LEPR: variants seen among roughly 807,000 people sequenced by gnomAD.
LEPR encodes OB receptor.
A neutral mutation model predicts 114.7 loss-of-function variants in LEPR; 56 were observed. The observed-to-expected ratio is 0.49, with a 90% CI of 0.39 to 0.61. The LOEUF is 0.61. Ranked by LOEUF, LEPR falls within the 20% of genes least tolerant of loss-of-function variation. LEPR has a pLI of 0.00. For missense variants in LEPR, 1,202 were observed against 1,352.9 expected (o/e 0.89, Z 1.75); for synonymous variants, 443 against 461.4 (o/e 0.96, Z 0.51).
chr1:65,595,337 G>T (rs1015947926), intron 6 of LEPR, among the ~76,000 whole-genome samples: 1 of 152,020 alleles, frequency 6.6e-6, no homozygotes, highest in Non-Finnish European at 1.5e-5. Context: ...ACTCCATTGT[G>T]TTAGGGTTTC....
chr1:65,535,615 C>T (rs1292780320), intron 2 of LEPR, among the ~76,000 whole-genome samples: 4 of 151,906 alleles, frequency 2.6e-5, no homozygotes, highest in Non-Finnish European at 5.9e-5. Flanking sequence ...CCTCCCAAAG[C>T]GCAGGGATTA....
chr1:65,571,903 G>A (rs1037023860), intron 4 of LEPR, among the ~76,000 whole-genome samples: 1 of 141,528 alleles, frequency 7.1e-6, no homozygotes, highest in Non-Finnish European at 1.5e-5. Context: ...GATGGAGGCT[G>A]CAGTGAGCCA....
intron 2 of LEPR, among the ~76,000 whole-genome samples, chr1:65,536,539 C>T (rs1650790645): frequency 6.6e-6 from 1 of 152,116 alleles, no homozygotes; most frequent in African/African-American, 2.4e-5. Context: ...AACTATTATA[C>T]AGTATTTTTT....
rs996361966 is a variant in LEPR, at chr1:65,596,550, A to G, written c.806A>G (p.Tyr269Cys). ...SPPLVPFPLQ[Y>C]QVKYSENSTT... ...CCATTGGTACCATTTCCACTTCAAT[A>G]TCAAGTGAAATATTCAGAGAATTCT... The change falls in exon 7 of 20, where the codon TAT (tyrosine) becomes TGT (cysteine). Residue 269 changes from tyrosine (Y) to cysteine (C), a missense_variant. Tyr to Cys is a radical substitution (Grantham distance 194). Transcript: ENST00000349533. The G allele has an allele frequency of 2.5e-6, 4 of 1,612,612 alleles. No individual in the cohort carries two copies. Among genetic ancestry groups the G allele is most frequent in the Non-Finnish European group, 2.5e-6 (3 of 1,179,062 alleles).
chr1:65,556,241 C>T (rs1413792832), intron 2 of LEPR, among the ~76,000 whole-genome samples: 1 of 152,128 alleles, frequency 6.6e-6, no homozygotes, highest in African/African-American at 2.4e-5. Flanking sequence ...GACTTTCCAG[C>T]CTCCAGAATT....
At chr1:65,570,886 T>G in intron 4 of LEPR, 84 bp downstream of exon 4, 1 of 1,166,714 alleles carries the variant, frequency 8.6e-7, no homozygotes, top group Non-Finnish European at 1.1e-6. Flanking sequence ...CTTATGGCTA[T>G]GATTTTAACA....
intron 2 of LEPR, among the ~76,000 whole-genome samples, chr1:65,546,467 A>C (rs1205238772): frequency 6.6e-6 from 1 of 151,952 alleles, no homozygotes; most frequent in Non-Finnish European, 1.5e-5. Context: ...ATTTGTTTGT[A>C]TCCTCTTTTA....
At chr1:65,499,293 C>A (rs1002359592) in intron 2 of LEPR, among the ~76,000 whole-genome samples, 4 of 151,874 alleles carry the variant, frequency 2.6e-5, no homozygotes, top group Admixed American at 6.6e-5. Context: ...AAAGAGAATT[C>A]CTGCATTTTC....
chr1:65,466,178 C>T (rs937146753), intron 2 of LEPR, among the ~76,000 whole-genome samples: 4 of 152,130 alleles, frequency 2.6e-5, no homozygotes, highest in African/African-American at 4.8e-5. Flanking sequence ...TGTTCCATTC[C>T]ATGTTTAGTG....
intron 2 of LEPR, among the ~76,000 whole-genome samples, chr1:65,443,682 A>G (rs987016844): frequency 6.6e-6 from 1 of 152,154 alleles, no homozygotes; most frequent in Non-Finnish European, 1.5e-5. Context: ...TCCTTTCTTC[A>G]TATAGTACCT....
At chr1:65,568,105 A>G (rs1256299094) in intron 3 of LEPR, among the ~76,000 whole-genome samples, 2 of 152,100 alleles carry the variant, frequency 1.3e-5, no homozygotes, top group South Asian at 2.1e-4. Flanking sequence ...GGAACTGCCG[A>G]TCTTTTTACT....
At chr1:65,634,343 C>A (rs972891103) in intron 19 of LEPR, 1 of 978,838 alleles carries the variant, frequency 1.0e-6, no homozygotes, top group Non-Finnish European at 1.2e-6. Context: ...TAATAGGTGT[C>A]ATTGAAATGT....
At position 65,635,342 on chromosome 1, in the gene LEPR, C is replaced by G. The variant is rs1408741079; in HGVS notation, c.2674-849C>G. ...ATGTGTTTACATTGTATGAATTGAG[C>G]TTTTTGCCCACAGATTCTTGATTTG... is the stretch of plus-strand genomic sequence containing the variant. On this transcript the variant is annotated intron_variant, in intron 19 of 19. Coordinates refer to ENST00000349533, the MANE Select transcript of LEPR (RefSeq NM_002303.6). 6.1e-6 allele frequency: 6 copies of G among 984,078 alleles called. No individual in the cohort carries two copies. The Admixed American group carries it at 2.5e-4, about 41-fold the overall frequency. The allele number at this position is 984,078 out of a possible 1,614,324, so 61.0% of individuals were successfully genotyped here.
intron 2 of LEPR, among the ~76,000 whole-genome samples, chr1:65,556,398 CAGT>C (rs1237891391): frequency 1.3e-5 from 2 of 152,062 alleles, no homozygotes; most frequent in Non-Finnish European, 2.9e-5. Context: ...GTGACTGGCT[CAGT>C]TCATGCAGCT....
intron 2 of LEPR, among the ~76,000 whole-genome samples, chr1:65,443,708 A>G (rs1646678222): frequency 6.6e-6 from 1 of 152,124 alleles, no homozygotes; most frequent in Non-Finnish European, 1.5e-5. Context: ...AGTGCCTGAC[A>G]CTGTGGGAAA....
chr1:65,515,172 A>G (rs1364546980), intron 2 of LEPR, among the ~76,000 whole-genome samples: 1 of 152,224 alleles, frequency 6.6e-6, no homozygotes, highest in Non-Finnish European at 1.5e-5. Context: ...GCATAGCATG[A>G]ACAAAACCAG....
intron 2 of LEPR, 39 bp downstream of exon 2, chr1:65,425,417 T>C: frequency 6.5e-7 from 1 of 1,545,064 alleles, no homozygotes; most frequent in Non-Finnish European, 8.8e-7. Context: ...CCTCTTTCTG[T>C]GTCTTTGTCA....
rs1403282427 is a variant in LEPR at position 65,433,416 on chromosome 1, G to T, written c.-21+8038G>T. The T allele has an allele frequency of 7.1e-6, 7 of 985,198 alleles. No individual in the cohort carries two copies. In the African/African-American group the frequency reaches 1.0e-4, roughly 15 times the overall value. 61.0% of individuals were successfully genotyped at this position (985,198 alleles called of 1,614,324 possible). ...CACAGTTTTCCCTGCTCACCTTTTTGTCTAAGATCTATTGAGAAAGGGAAA... is the reference window on the plus strand; with the variant it reads ...CACAGTTTTCCCTGCTCACCTTTTTTTCTAAGATCTATTGAGAAAGGGAAA... On this transcript the variant is annotated intron_variant, in intron 2 of 19. Transcript: ENST00000349533.
intron 18 of LEPR, 136 bp from the exon 19 acceptor site, chr1:65,622,770 A>G (rs1397376086): frequency 1.2e-6 from 1 of 805,668 alleles, no homozygotes; most frequent in Non-Finnish European, 2.0e-6. Context: ...ATGGGCTAGC[A>G]TGTGAAAATG....
Sources: allele counts gnomAD v4.1 joint callset (sites outside exome capture counted in the v4.1 genomes callset), GRCh38; gene constraint gnomAD v4.1.1; transcripts MANE v1.5; gene names NCBI Gene and HGNC (gene_info 2026-07-23, HGNC 2026-07-21).